Variants in UBN1 observed in about 807,000 individuals in gnomAD.
UBN1 encodes the protein ubinuclein 1, also known as ubinuclein-1.
In UBN1, 17 loss-of-function variants were observed where a neutral mutation model predicts 108.5. The observed-to-expected ratio is 0.16, with a 90% CI of 0.11 to 0.24. The LOEUF (loss-of-function observed/expected upper bound fraction) is 0.24, where lower values mean the gene tolerates loss of function less well. Ranked by LOEUF, UBN1 falls within the 10% of genes least tolerant of loss-of-function variation. The pLI is 1.00. For synonymous variants in UBN1, 726 were observed against 564.2 expected, an observed-to-expected ratio of 1.29 and a Z score of -4.07; for missense variants, 1,595 against 1,394.4, an observed-to-expected ratio of 1.14 and a Z score of -2.29.
At position 4,850,005 on chromosome 16, in the gene UBN1, A is replaced by C. The variant is rs149968563; in HGVS notation, c.-40+1795A>C. ...TAAAATCTTTCCAAGGACTTAGGCA[A>C]CTCTCGTAAGTCTAATAGATAAATG... is the stretch of plus-strand genomic sequence containing the variant. On this transcript the variant is annotated intron_variant, in intron 1 of 17. Transcript: ENST00000262376. 3.0e-3 allele frequency among the ~76,000 whole-genome samples: 454 copies of C among 151,442 alleles called. 1 individual carries two copies. Among genetic ancestry groups the C allele is most frequent in the Non-Finnish European group, 5.1e-3 (346 of 67,876 alleles).
Position 4,853,159 on chromosome 16 carries a change from G to C in UBN1, c.242G>C (p.Gly81Ala). 1.9e-6 allele frequency: 3 copies of C among 1,614,108 alleles called. No individual in the cohort carries two copies. Among genetic ancestry groups the C allele is most frequent in the African/African-American group, 1.3e-5 (1 of 75,042 alleles). Residue 81 changes from glycine to alanine, a missense_variant, in exon 2 of 18, where the codon GGA (glycine) becomes GCA (alanine). This residue lies in a region of UBN1 where 181 missense variants were observed against 157.3 expected (regional missense o/e 1.15). Coordinates refer to ENST00000262376, the MANE Select transcript of UBN1 (RefSeq NM_001079514.3). Reference sequence around the variant, plus strand: ...GGGAAGGTAAAAGGCCTTCAGCCTGGAGATAAGGTACACCCCTTTGTTCCC... The same window carrying C: ...GGGAAGGTAAAAGGCCTTCAGCCTGCAGATAAGGTACACCCCTTTGTTCCC... Reference protein sequence around the residue: ...IRGKVKGLQPGDKKKDLSDPF... With the variant: ...IRGKVKGLQPADKKKDLSDPF...
chr16:4,872,056 C>G (rs1002594114), intron 12 of UBN1: 9 of 398,552 alleles, frequency 2.3e-5, no homozygotes, highest in African/African-American at 2.2e-5. Flanking sequence ...GAAGTCACTT[C>G]CTGCGAATGA....
Position 4,861,112 on chromosome 16 carries a change from C to T in UBN1, c.1110+10C>T, listed in dbSNP as rs899709814. ...TAAGGAGCTGGCTCAGGTATGGTGGCACAGTGCGGCTGGGCTTTCCTGGAA... is the reference window on the plus strand; with the variant it reads ...TAAGGAGCTGGCTCAGGTATGGTGGTACAGTGCGGCTGGGCTTTCCTGGAA... On this transcript the variant is annotated intron_variant, in intron 7 of 17. Transcript: ENST00000262376. 1.2e-6 allele frequency: 2 copies of T among 1,607,496 alleles called. No homozygotes were observed. The highest frequency in any genetic ancestry group is 8.5e-7 in the Non-Finnish European group (1 of 1,176,976).
chr16:4,860,825 G>A lies in UBN1; in HGVS notation c.833G>A (p.Gly278Asp). 2 of 1,614,266 alleles carry A rather than the reference G, an allele frequency of 1.2e-6. No individual in the cohort carries two copies. The highest frequency in any genetic ancestry group is 1.7e-6 in the Non-Finnish European group (2 of 1,180,052). The change falls in exon 7 of 18, where the codon GGC (glycine) becomes GAC (aspartate). Residue 278 changes from glycine (G) to aspartate (D), a missense_variant. Coordinates refer to ENST00000262376, the MANE Select transcript of UBN1 (RefSeq NM_001079514.3). Reference protein sequence around the residue: ...PVAVPSAEAQGLRELEGASDP... With the variant: ...PVAVPSAEAQDLRELEGASDP... ...GCGGTCCCATCAGCGGAAGCTCAGGGCCTGCGGGAACTGGAGGGTGCCTCT... is the reference window on the plus strand; with the variant it reads ...GCGGTCCCATCAGCGGAAGCTCAGGACCTGCGGGAACTGGAGGGTGCCTCT...
chr16:4,872,284 A>G (rs1016757200), intron 12 of UBN1: 2 of 985,254 alleles, frequency 2.0e-6, no homozygotes, highest in African/African-American at 3.5e-5. Context: ...GGACTAGGCA[A>G]TAAGGAAAGT....
chr16:4,850,792 A>G (rs2086523025), intron 1 of UBN1, among the ~76,000 whole-genome samples: 1 of 152,254 alleles, frequency 6.6e-6, no homozygotes, highest in South Asian at 2.1e-4. Flanking sequence ...GATATATACG[A>G]TATATGCTAA....
chr16:4,877,835 C>T lies in UBN1; in HGVS notation c.3355+361C>T, dbSNP rs1470596288. ...AAAAGGGAAGGTAATGGTGCATCTT[C>T]TCCAAGGGCTAATTGGGTACAACAA... is the stretch of plus-strand genomic sequence containing the variant. On this transcript the variant is annotated intron_variant, in intron 17 of 17. Transcript: ENST00000262376. This position sits in a 1 kb window ranked among gnomAD's most constrained non-coding sequence, Gnocchi z 4.3. 7.9e-6 allele frequency: 8 copies of T among 1,013,548 alleles called. No individual in the cohort carries two copies. Among genetic ancestry groups the T allele is most frequent in the South Asian group, 4.6e-5 (1 of 21,610 alleles). The allele number at this position is 1,013,548 out of a possible 1,614,324, so 62.8% of individuals were successfully genotyped here. A position where few individuals can be genotyped will look rare whatever the true frequency, so the allele number is the denominator to read the frequency against.
Position 4,880,704 on chromosome 16 carries a change from C to T in UBN1, c.*572C>T, listed in dbSNP as rs567315676. On this transcript the variant is annotated 3_prime_UTR_variant, in exon 18 of 18. Coordinates refer to ENST00000262376, the MANE Select transcript of UBN1 (RefSeq NM_001079514.3). Reference sequence around the variant, plus strand: ...GTGCTCACTGTGGGGGCCAGTTTCTCCTCGGAACATGACAATGAAGCTCTT... The same window carrying T: ...GTGCTCACTGTGGGGGCCAGTTTCTTCTCGGAACATGACAATGAAGCTCTT... 24 of 152,936 alleles carry T rather than the reference C, an allele frequency of 1.6e-4. No homozygotes were observed. Among genetic ancestry groups the T allele is most frequent in the Non-Finnish European group, 2.6e-4 (18 of 68,472 alleles). 9.5% of individuals were successfully genotyped at this position (152,936 alleles called of 1,614,324 possible). A position where few individuals can be genotyped will look rare whatever the true frequency, so the allele number is the denominator to read the frequency against.
intron 9 of UBN1, 73 bp downstream of exon 9, chr16:4,870,414 T>C: frequency 1.3e-5 from 21 of 1,609,164 alleles, no homozygotes; most frequent in Non-Finnish European, 1.8e-5. Flanking sequence ...TAAGCAATGA[T>C]GCGTCTGCTG....
intron 15 of UBN1, 40 bp downstream of exon 15, chr16:4,875,474 A>C: frequency 6.4e-7 from 1 of 1,569,096 alleles, no homozygotes; most frequent in Non-Finnish European, 8.6e-7. Flanking sequence ...CCCCACTCAC[A>C]GGGGCCTTGG....
At chr16:4,873,009 C>T in intron 13 of UBN1, 22 bp from the exon 14 acceptor site, 4 of 1,614,210 alleles carry the variant, frequency 2.5e-6, no homozygotes, top group Non-Finnish European at 3.4e-6. Context: ...CTAAACTTTT[C>T]TGTGCTCATT....
intron 2 of UBN1, among the ~76,000 whole-genome samples, chr16:4,855,588 G>A (rs930021608): frequency 7.3e-6 from 1 of 137,468 alleles, no homozygotes; most frequent in Admixed American, 7.7e-5. Context: ...CGCACTGGGT[G>A]AAAGCAAGAC....
At chr16:4,866,241 G>A (rs1213664290) in intron 7 of UBN1, among the ~76,000 whole-genome samples, 4 of 152,220 alleles carry the variant, frequency 2.6e-5, no homozygotes, top group Non-Finnish European at 5.9e-5. Context: ...ATGGCTGGGT[G>A]AAAAGTCATG....
chr16:4,858,756 C>T (rs908913315), intron 4 of UBN1, 93 bp downstream of exon 4: 41 of 1,242,620 alleles, frequency 3.3e-5, no homozygotes, highest in South Asian at 7.6e-5. Context: ...TCAGAGCAGT[C>T]GTGCCCTCTT....
In UBN1 at chr16:4,877,413, G is replaced by T; in HGVS notation, c.3294G>T (p.Pro1098=). 1.9e-6 allele frequency: 3 copies of T among 1,612,160 alleles called. No homozygotes were observed. The highest frequency in any genetic ancestry group is 8.5e-7 in the Non-Finnish European group (1 of 1,179,396). Residue 1098 remains proline (P), a synonymous_variant, in exon 17 of 18, where the codon CCG becomes CCT. Coordinates refer to ENST00000262376, the MANE Select transcript of UBN1 (RefSeq NM_001079514.3). This position sits in a 1 kb window ranked among gnomAD's most constrained non-coding sequence, Gnocchi z 4.3. ...TTCTGGCTGGCTTGCACTCCAGCCC[G>T]CCCCATGCAGCGCCTCTCCCACACG... is the stretch of plus-strand genomic sequence containing the variant. ...HSLLAGLHSS[P]PHAAPLPHAA... is the part of the protein sequence containing the mutation.
At chr16:4,874,133 CAT>C (rs760247520) in intron 14 of UBN1, 76 bp from the exon 15 acceptor site, 37 of 1,478,724 alleles carry the variant, frequency 2.5e-5, no homozygotes, top group Middle Eastern at 1.8e-4. Flanking sequence ...CTCGAGTTCA[CAT>C]GTTTGTATCC....
In UBN1 at chr16:4,882,215, C is replaced by T. The variant is rs2088095295; in HGVS notation, c.*2083C>T. The T allele has an allele frequency of 6.6e-6, 1 of 152,662 alleles. No homozygotes were observed. The highest frequency in any genetic ancestry group is 6.5e-5 in the Admixed American group (1 of 15,268). The allele number at this position is 152,662 out of a possible 1,614,324, so 9.5% of individuals were successfully genotyped here. On this transcript the variant is annotated 3_prime_UTR_variant, in exon 18 of 18. Coordinates refer to ENST00000262376, the MANE Select transcript of UBN1 (RefSeq NM_001079514.3). Reference sequence around the variant, plus strand: ...GGGGTTTCCCTGGCGCAGCGAAAGTCTCTGAGCACTTACCGGGCGTGACCG... The same window carrying T: ...GGGGTTTCCCTGGCGCAGCGAAAGTTTCTGAGCACTTACCGGGCGTGACCG...
chr16:4,865,625 A>C (rs1353814031), intron 7 of UBN1, among the ~76,000 whole-genome samples: 1 of 152,140 alleles, frequency 6.6e-6, no homozygotes, highest in Non-Finnish European at 1.5e-5. Context: ...AGCTGCGATC[A>C]CGTCACTGCA....
chr16:4,850,455 T>C (rs1408645244), intron 1 of UBN1, among the ~76,000 whole-genome samples: 2 of 152,230 alleles, frequency 1.3e-5, no homozygotes, highest in African/African-American at 4.8e-5. Flanking sequence ...TCCCTTCTTA[T>C]AGTGAGACTG....
Sources: gnomAD v4.1 joint callset for allele counts (sites outside exome capture counted in the v4.1 genomes callset) on GRCh38, gnomAD v4.1.1 for gene constraint, gnomAD v4.1.1 regional missense constraint, Gnocchi (gnomAD v3.1) non-coding constraint, MANE v1.5 for transcripts, NCBI Gene and HGNC (gene_info 2026-07-23, HGNC 2026-07-21) for gene names.